Variants in RBPMS observed in about 807,000 individuals in gnomAD.
RBPMS encodes RNA binding protein, mRNA processing factor, also known as RNA-binding protein with multiple splicing.
RBPMS carries 7 observed loss-of-function variants against 26.8 expected under a neutral mutation model. That is an observed-to-expected ratio of 0.26 (90% CI 0.15 to 0.49). The LOEUF (loss-of-function observed/expected upper bound fraction) is 0.49. RBPMS is among the 20% of genes least tolerant of loss of function. The pLI, the probability that RBPMS is intolerant of heterozygous loss-of-function variation, is 0.98. For missense variants in RBPMS, 186 were observed against 250.0 expected (o/e 0.74, Z 1.73); for synonymous variants, 96 against 93.3 (o/e 1.03, Z -0.17).
chr8:30,438,227 C>T (rs1463922052), intron 1 of RBPMS, among the ~76,000 whole-genome samples: 5 of 152,100 alleles, frequency 3.3e-5, no homozygotes, highest in East Asian at 1.9e-4. Context: ...GAGACCAGCC[C>T]GAGCAACAGA....
chr8:30,426,519 C>A (rs1022692949), intron 1 of RBPMS, among the ~76,000 whole-genome samples: 3 of 152,116 alleles, frequency 2.0e-5, no homozygotes, highest in Non-Finnish European at 4.4e-5. Context: ...GAATAGGTAG[C>A]AGGCTTGCGT....
intron 1 of RBPMS, among the ~76,000 whole-genome samples, chr8:30,456,220 C>G (rs1815197629): frequency 1.3e-5 from 2 of 152,168 alleles, no homozygotes; most frequent in Non-Finnish European, 2.9e-5. Context: ...TAAGATGACA[C>G]TGCAAATAAA....
intron 7 of RBPMS, chr8:30,562,035 A>G (rs1827533957): frequency 1.0e-6 from 1 of 985,406 alleles, no homozygotes; most frequent in Non-Finnish European, 1.2e-6. Context: ...AGATCCGAAT[A>G]AGAATATGTA....
At chr8:30,454,503 T>C (rs1814970272) in intron 1 of RBPMS, among the ~76,000 whole-genome samples, 1 of 152,212 alleles carries the variant, frequency 6.6e-6, no homozygotes, top group South Asian at 2.1e-4. Flanking sequence ...AACTTGTGAG[T>C]GTGCTTCAAC....
At chr8:30,427,418 A>G (rs1811476204) in intron 1 of RBPMS, among the ~76,000 whole-genome samples, 1 of 151,942 alleles carries the variant, frequency 6.6e-6, no homozygotes, top group African/African-American at 2.4e-5. Context: ...CTCACCTCAC[A>G]CTGAGTTCAC....
intron 1 of RBPMS, chr8:30,445,170 T>TA (rs1195141280): frequency 2.6e-5 from 4 of 152,186 alleles, no homozygotes; most frequent in African/African-American, 7.2e-5. Flanking sequence ...CTGTAGCTCT[T>TA]ACAGTGAAAA....
At chr8:30,461,105 T>C (rs1293066098) in intron 1 of RBPMS, among the ~76,000 whole-genome samples, 5 of 151,594 alleles carry the variant, frequency 3.3e-5, no homozygotes, top group Non-Finnish European at 7.4e-5. Context: ...GACTTTAAAG[T>C]AAAAATGCAT....
chr8:30,566,662 C>CCCT (rs1827908075), intron 8 of RBPMS, among the ~76,000 whole-genome samples: 1 of 152,240 alleles, frequency 6.6e-6, no homozygotes, highest in Non-Finnish European at 1.5e-5. Flanking sequence ...GTGAGGGATT[C>CCCT]CACCTAGGGA....
At chr8:30,564,269 TTAAAG>T (rs1827727379) in intron 7 of RBPMS, 1 of 152,212 alleles carries the variant, frequency 6.6e-6, no homozygotes, top group African/African-American at 2.4e-5. Flanking sequence ...TCCTGTAATC[TTAAAG>T]TAAATGGACT....
At chr8:30,516,286 G>A (rs1822299481) in intron 5 of RBPMS, among the ~76,000 whole-genome samples, 2 of 152,186 alleles carry the variant, frequency 1.3e-5, no homozygotes, top group African/African-American at 2.4e-5. Context: ...TCAGGAAGCT[G>A]AGGCAGGAGA....
intron 8 of RBPMS, among the ~76,000 whole-genome samples, chr8:30,567,047 G>A (rs1827939198): frequency 6.6e-6 from 1 of 152,200 alleles, no homozygotes; most frequent in African/African-American, 2.4e-5. Context: ...AGGTGACCTT[G>A]CTGTTGGGTC....
At chr8:30,413,335 T>C (rs977855177) in intron 1 of RBPMS, among the ~76,000 whole-genome samples, 2 of 152,206 alleles carry the variant, frequency 1.3e-5, no homozygotes, top group Non-Finnish European at 2.9e-5. Flanking sequence ...CCTCCCAAAG[T>C]TCTGGGATTA....
intron 4 of RBPMS, among the ~76,000 whole-genome samples, chr8:30,482,309 C>A (rs1818361954): frequency 6.6e-6 from 1 of 152,112 alleles, no homozygotes; most frequent in South Asian, 2.1e-4. Context: ...AGAGAGAATT[C>A]AATATTGTAA....
intron 5 of RBPMS, among the ~76,000 whole-genome samples, chr8:30,528,525 A>T (rs974780703): frequency 5.9e-5 from 9 of 152,228 alleles, no homozygotes. Context: ...TGAGGTCATT[A>T]GATAGTGCAT....
At chr8:30,512,459 TTGTTGTTGTTTGGGTTTTTGTTAC>T (rs1821818954) in intron 5 of RBPMS, among the ~76,000 whole-genome samples, 1 of 152,066 alleles carries the variant, frequency 6.6e-6, no homozygotes, top group Non-Finnish European at 1.5e-5. Flanking sequence ...ATTGTTTTTT[TTGTTGTTGTTTGGGTTTTTGTTAC>T]TGTTGTTGTT....
At chr8:30,502,522 G>T (rs1640119277) in intron 4 of RBPMS, among the ~76,000 whole-genome samples, 1 of 152,198 alleles carries the variant, frequency 6.6e-6, no homozygotes, top group South Asian at 2.1e-4. Flanking sequence ...TCACAGGAAG[G>T]TTGGTCAAGT....
At chr8:30,556,763 T>C (rs1008570887) in intron 6 of RBPMS, 1 of 985,964 alleles carries the variant, frequency 1.0e-6, no homozygotes, top group Non-Finnish European at 1.2e-6. Flanking sequence ...AGTGAGCAAG[T>C]GGATTCAGAT....
At chr8:30,521,992 T>C (rs1043205719) in intron 5 of RBPMS, among the ~76,000 whole-genome samples, 4 of 152,154 alleles carry the variant, frequency 2.6e-5, no homozygotes, top group Non-Finnish European at 5.9e-5. Flanking sequence ...TACATTATGG[T>C]GACTGTAGTT....
chr8:30,412,646 C>T (rs1809589351), intron 1 of RBPMS, among the ~76,000 whole-genome samples: 1 of 152,020 alleles, frequency 6.6e-6, no homozygotes, highest in Non-Finnish European at 1.5e-5. Flanking sequence ...GCTACTTATC[C>T]CAAGAATTAT....
Sources: gnomAD v4.1 joint callset for allele counts (sites outside exome capture counted in the v4.1 genomes callset) on GRCh38, gnomAD v4.1.1 for gene constraint, MANE v1.5 for transcripts, NCBI Gene and HGNC (gene_info 2026-07-23, HGNC 2026-07-21) for gene names.